The following MYO1D variants were observed in gnomAD, a reference collection of about 807,000 sequenced individuals.
MYO1D encodes the protein unconventional myosin-Id.
In MYO1D, 83 loss-of-function variants were observed where a neutral mutation model predicts 122.0. That is an observed-to-expected ratio of 0.68 (90% CI 0.57 to 0.82). MYO1D has a LOEUF of 0.82. Ranked by LOEUF, MYO1D falls within the 40% of genes least tolerant of loss-of-function variation. MYO1D has a pLI of 0.00. For synonymous variants in MYO1D, 464 were observed against 446.9 expected, an observed-to-expected ratio of 1.04 and a Z score of -0.48; for missense variants, 1,157 against 1,269.5, an observed-to-expected ratio of 0.91 and a Z score of 1.35.
intron 10 of MYO1D, among the ~76,000 whole-genome samples, chr17:32,759,064 T>G (rs1426282548): frequency 6.6e-6 from 1 of 152,176 alleles, no homozygotes; most frequent in Non-Finnish European, 1.5e-5. Flanking sequence ...AATCCAAGCT[T>G]CAGTTATACC....
chr17:32,649,261 A>C (rs970205509), intron 19 of MYO1D, among the ~76,000 whole-genome samples: 1 of 152,198 alleles, frequency 6.6e-6, no homozygotes, highest in Non-Finnish European at 1.5e-5. Context: ...CATTAAGCAC[A>C]TTCACATTGT....
At chr17:32,655,855 T>G (rs2088469451) in intron 17 of MYO1D, among the ~76,000 whole-genome samples, 1 of 152,128 alleles carries the variant, frequency 6.6e-6, no homozygotes, top group Non-Finnish European at 1.5e-5. Context: ...GAAACACACA[T>G]GCTAGAGTAA....
At position 32,745,740 on chromosome 17, in the gene MYO1D, A is replaced by T. The variant is rs1021539394; in HGVS notation, c.1539-455T>A. The T allele has an allele frequency of 3.2e-5, 5 of 158,412 alleles. No homozygotes were observed. In the East Asian group the frequency reaches 9.4e-4, roughly 30 times the overall value. 9.8% of individuals were successfully genotyped at this position (158,412 alleles called of 1,614,324 possible). A position where few individuals can be genotyped will look rare whatever the true frequency, so the allele number is the denominator to read the frequency against. The stretch of plus-strand genomic sequence containing the variant: ...AAGCAGAGGAGAAAAAGGCAGGCAG[A>T]TCACACAGGGAAACAGATCAAATGG... On this transcript the variant is annotated intron_variant, in intron 12 of 21. Transcript: ENST00000318217.
chr17:32,612,504 T>C (rs1002652864), intron 20 of MYO1D, among the ~76,000 whole-genome samples: 16 of 151,084 alleles, frequency 1.1e-4, no homozygotes, highest in Admixed American at 7.2e-4. Flanking sequence ...CTGGGCAACA[T>C]AGCAAAAACC....
chr17:32,636,147 T>C (rs552130116), intron 20 of MYO1D, among the ~76,000 whole-genome samples: 2 of 152,294 alleles, frequency 1.3e-5, no homozygotes, highest in African/African-American at 2.4e-5. Flanking sequence ...CCTCCAACTA[T>C]ACATGAGTCC....
chr17:32,629,388 G>A (rs977074411), intron 20 of MYO1D, among the ~76,000 whole-genome samples: 1 of 152,090 alleles, frequency 6.6e-6, no homozygotes. Flanking sequence ...AAAATTAGGA[G>A]GTTGGGGGGT....
chr17:32,509,589 T>A lies in MYO1D; in HGVS notation c.2865-14674A>T, dbSNP rs113382708. Among the ~76,000 whole-genome samples, 1,074 of 152,178 alleles carry A rather than the reference T, an allele frequency of 7.1e-3. 15 individuals are homozygous for A. Among genetic ancestry groups the A allele is most frequent in the African/African-American group, 0.024 (996 of 41,516 alleles). On this transcript the variant is annotated intron_variant, in intron 21 of 21. Transcript: ENST00000318217. ...ATGTGGGCAGATATTTCTTTTTTTC[T>A]TTCTTTTTTTTTTTGAGACAGAGTC...
chr17:32,795,246 GAAC>G (rs1262159167), intron 1 of MYO1D, among the ~76,000 whole-genome samples: 1 of 152,100 alleles, frequency 6.6e-6, no homozygotes, highest in Non-Finnish European at 1.5e-5. Context: ...AACACAAAGT[GAAC>G]AACACCAAGG....
At chr17:32,687,360 C>A (rs1179531100) in intron 16 of MYO1D, among the ~76,000 whole-genome samples, 1 of 152,142 alleles carries the variant, frequency 6.6e-6, no homozygotes, top group East Asian at 1.9e-4. Context: ...CCACGCCCGG[C>A]TAATTTTTTG....
At chr17:32,873,111 C>G (rs1393932984) in intron 1 of MYO1D, among the ~76,000 whole-genome samples, 1 of 151,988 alleles carries the variant, frequency 6.6e-6, no homozygotes, top group Non-Finnish European at 1.5e-5. Context: ...AATAGCAAAA[C>G]AAGAAGATAA....
chr17:32,659,227 T>C lies in MYO1D; in HGVS notation c.2233A>G (p.Arg745Gly), dbSNP rs1367321267. Residue 745 changes from arginine (R) to glycine (G), a missense_variant, in exon 17 of 22, where the codon AGA becomes GGA. By Grantham distance (125) the Arg-to-Gly change is moderately radical (BLOSUM62 -2). Transcript: ENST00000318217. ...KVKSYIHEVA[R>G]RFHGVKTMRD... ...ATGGTCTTGACGCCATGGAAGCGTCTGGCCACCTCGTGGATGTACGACTTC... is the reference window on the plus strand; with the variant it reads ...ATGGTCTTGACGCCATGGAAGCGTCCGGCCACCTCGTGGATGTACGACTTC... The C allele has an allele frequency of 6.2e-7, 1 of 1,614,242 alleles. No homozygotes were observed. The highest frequency in any genetic ancestry group is 8.5e-7 in the Non-Finnish European group (1 of 1,180,044).
rs2089503921 is a variant in MYO1D at position 32,721,043 on chromosome 17, T to C, written c.1893A>G (p.Thr631=). ...VRRAGFAFRQ[T]YEKFLHRYKM... is the part of the protein sequence containing the mutation. ...CTCACCTGTGAAGAAACTTCTCGTA[T>C]GTCTGGCGGAAGGCAAATCCTGCCC... The change falls in exon 15 of 22, where the codon ACA becomes ACG. Residue 631 remains threonine (T), a synonymous_variant. Transcript: ENST00000318217. 6.2e-7 allele frequency: 1 copy of C among 1,614,176 alleles called. No individual in the cohort carries two copies. Among genetic ancestry groups the C allele is most frequent in the East Asian group, 2.2e-5 (1 of 44,890 alleles).
At chr17:32,606,977 T>C (rs11868008) in intron 20 of MYO1D, among the ~76,000 whole-genome samples, 46,680 of 151,982 alleles carry the variant, frequency 0.31, 7,372 homozygotes, top group South Asian at 0.37. Context: ...CTGACCAATA[T>C]GGTGAAACCC....
At chr17:32,812,998 C>A (rs1020938795) in intron 1 of MYO1D, among the ~76,000 whole-genome samples, 12 of 152,208 alleles carry the variant, frequency 7.9e-5, no homozygotes, top group Non-Finnish European at 1.5e-4. Context: ...CCACACCCAT[C>A]ATCCAATCCA....
intron 4 of MYO1D, among the ~76,000 whole-genome samples, chr17:32,774,573 A>C (rs1165792805): frequency 6.6e-6 from 1 of 152,232 alleles, no homozygotes; most frequent in Non-Finnish European, 1.5e-5. Flanking sequence ...AGATCAATCC[A>C]TAGAGACCTC....
intron 1 of MYO1D, among the ~76,000 whole-genome samples, chr17:32,841,741 A>C (rs1248378194): frequency 6.6e-6 from 1 of 151,976 alleles, no homozygotes; most frequent in Admixed American, 6.6e-5. Flanking sequence ...GAATTAGCCT[A>C]ATAGAGGAGG....
chr17:32,614,617 C>T (rs1277587408), intron 20 of MYO1D, among the ~76,000 whole-genome samples: 2 of 152,166 alleles, frequency 1.3e-5, no homozygotes, highest in Non-Finnish European at 2.9e-5. Flanking sequence ...CTTCTCCCTT[C>T]CCAGTCCCCC....
chr17:32,838,038 C>T (rs372994051), intron 1 of MYO1D, among the ~76,000 whole-genome samples: 2 of 151,986 alleles, frequency 1.3e-5, no homozygotes, highest in East Asian at 3.9e-4. Flanking sequence ...GTTCTTTGTG[C>T]TTTTCAAATT....
At chr17:32,741,774 G>A (rs1441236824) in intron 13 of MYO1D, among the ~76,000 whole-genome samples, 1 of 152,024 alleles carries the variant, frequency 6.6e-6, no homozygotes, top group Non-Finnish European at 1.5e-5. Context: ...TTCACTTTGG[G>A]AGGCCAAGGT....
Sources: gnomAD v4.1 joint callset for allele counts (sites outside exome capture counted in the v4.1 genomes callset) on GRCh38, gnomAD v4.1.1 for gene constraint, MANE v1.5 for transcripts, NCBI Gene and HGNC (gene_info 2026-07-23, HGNC 2026-07-21) for gene names.